Variants in KIAA1549 observed in about 807,000 individuals in gnomAD.
The protein encoded by KIAA1549 is UPF0606 protein KIAA1549.
A neutral mutation model predicts 156.4 loss-of-function variants in KIAA1549; 70 were observed. The observed-to-expected ratio is 0.45, with a 90% CI of 0.37 to 0.55. KIAA1549 has a LOEUF of 0.55. Among genes scored for constraint, KIAA1549 ranks in the 20% least tolerant of loss-of-function variants. KIAA1549 has a pLI of 0.00. For missense variants in KIAA1549, 2,428 were observed against 2,540.9 expected (o/e 0.96, Z 0.96); for synonymous variants, 1,103 against 1,066.4 (o/e 1.03, Z -0.67).
chr7:138,859,008 A>AACACACACACAC (rs57352970), intron 16 of KIAA1549, among the ~76,000 whole-genome samples: 45 of 142,354 alleles, frequency 3.2e-4, no homozygotes, highest in Middle Eastern at 3.5e-3. Flanking sequence ...TCCATCTCAA[A>AACACACACACAC]ACACACACAC....
chr7:138,969,685 C>T (rs947109313), intron 1 of KIAA1549, among the ~76,000 whole-genome samples: 2 of 152,056 alleles, frequency 1.3e-5, no homozygotes, highest in South Asian at 2.1e-4. Context: ...CTCTGCTTCC[C>T]GGGATCAAGC....
At chr7:138,967,403 C>T (rs1367729818) in intron 1 of KIAA1549, among the ~76,000 whole-genome samples, 1 of 152,142 alleles carries the variant, frequency 6.6e-6, no homozygotes, top group African/African-American at 2.4e-5. Context: ...GGGGAGTCAA[C>T]TGTGTTGATC....
intron 1 of KIAA1549, among the ~76,000 whole-genome samples, chr7:138,943,380 C>A (rs1315884663): frequency 6.6e-6 from 1 of 152,214 alleles, no homozygotes; most frequent in African/African-American, 2.4e-5. Context: ...AGTCACAGCA[C>A]ACGAAACTCA....
At chr7:138,912,567 A>G (rs1812200460) in intron 2 of KIAA1549, 107 bp from the exon 3 acceptor site, 2 of 893,770 alleles carry the variant, frequency 2.2e-6, no homozygotes, top group East Asian at 2.5e-5. Context: ...AGCAGTTCCA[A>G]AAGTCTTTTT....
At chr7:138,846,943 T>C (rs1810095009) in intron 17 of KIAA1549, among the ~76,000 whole-genome samples, 1 of 152,182 alleles carries the variant, frequency 6.6e-6, no homozygotes, top group Non-Finnish European at 1.5e-5. Flanking sequence ...ATAACTGCTG[T>C]TGTTTTAGAT....
Position 138,917,581 on chromosome 7 carries a change from T to C in KIAA1549, c.2045A>G (p.Gln682Arg), listed in dbSNP as rs776148058. The C allele has an allele frequency of 1.2e-6, 2 of 1,613,904 alleles. No homozygotes were observed. The highest frequency in any genetic ancestry group is 8.5e-7 in the Non-Finnish European group (1 of 1,179,894). ...LFDSSDLQSSQLSLPSSTNLE... is the reference protein window; with the variant it reads ...LFDSSDLQSSRLSLPSSTNLE... Reference sequence around the variant, plus strand: ...ATTTGTGGAACTGGGAAGAGACAGCTGAGATGACTGCAGATCACTAGAGTC... The same window carrying C: ...ATTTGTGGAACTGGGAAGAGACAGCCGAGATGACTGCAGATCACTAGAGTC... Residue 682 changes from glutamine to arginine, a missense_variant, in exon 2 of 20, where the codon CAG (glutamine) becomes CGG (arginine). This residue lies in a region of KIAA1549 where 762 missense variants were observed against 901.6 expected (regional missense o/e 0.85). Coordinates refer to ENST00000422774, the MANE Select transcript of KIAA1549 (RefSeq NM_001164665.2).
rs1809703634 is a variant in KIAA1549 at position 138,836,263 on chromosome 7, T to A, written c.*1643A>T. The A allele has an allele frequency of 4.9e-6, 1 of 203,780 alleles. No individual in the cohort carries two copies. Among genetic ancestry groups the A allele is most frequent in the Non-Finnish European group, 1.0e-5 (1 of 99,408 alleles). The allele number at this position is 203,780 out of a possible 1,614,324, so 12.6% of individuals were successfully genotyped here. A position where few individuals can be genotyped will look rare whatever the true frequency, so the allele number is the denominator to read the frequency against. The stretch of plus-strand genomic sequence containing the variant: ...AAAATTGTATTTTTACCATACCTTT[T>A]CTATGTTTAGCTATGTTTAGATACA... On this transcript the variant is annotated 3_prime_UTR_variant, in exon 20 of 20. Coordinates refer to ENST00000422774, the MANE Select transcript of KIAA1549 (RefSeq NM_001164665.2).
At chr7:138,941,258 C>G (rs561342109) in intron 1 of KIAA1549, among the ~76,000 whole-genome samples, 1 of 152,194 alleles carries the variant, frequency 6.6e-6, no homozygotes, top group South Asian at 2.1e-4. Flanking sequence ...AGATTACACA[C>G]AAATCATTGA....
At chr7:138,928,099 T>C (rs1812773666) in intron 1 of KIAA1549, among the ~76,000 whole-genome samples, 1 of 150,730 alleles carries the variant, frequency 6.6e-6, no homozygotes, top group Admixed American at 6.6e-5. Flanking sequence ...TTTTTTGTAT[T>C]TTTAGTGGAG....
intron 18 of KIAA1549, 74 bp from the exon 19 acceptor site, chr7:138,840,352 A>G: frequency 1.5e-6 from 2 of 1,373,672 alleles, no homozygotes; most frequent in Non-Finnish European, 2.0e-6. Context: ...GCTGCCGAGG[A>G]AGACACTGTC....
chr7:138,916,648 T>A (rs1254847226), intron 2 of KIAA1549, 100 bp downstream of exon 2: 2 of 1,521,722 alleles, frequency 1.3e-6, no homozygotes, highest in Non-Finnish European at 8.8e-7. Flanking sequence ...GCCCAGCGCC[T>A]CTGCTCTTAA....
intron 12 of KIAA1549, among the ~76,000 whole-genome samples, chr7:138,876,111 C>T (rs1811077902): frequency 6.6e-6 from 1 of 152,188 alleles, no homozygotes; most frequent in Admixed American, 6.5e-5. Flanking sequence ...TCACCAGCAC[C>T]TGACCACAGG....
chr7:138,921,351 C>T (rs1280879530), intron 1 of KIAA1549, among the ~76,000 whole-genome samples: 4 of 152,188 alleles, frequency 2.6e-5, no homozygotes, highest in Non-Finnish European at 4.4e-5. Context: ...AAAATATGCA[C>T]ATAAACCCAC....
Position 138,879,566 on chromosome 7 carries a change from A to G in KIAA1549, c.4317T>C (p.Asp1439=), listed in dbSNP as rs1308694578. The G allele has an allele frequency of 6.4e-7, 1 of 1,567,438 alleles. No individual in the cohort carries two copies. Among genetic ancestry groups the G allele is most frequent in the Non-Finnish European group, 8.7e-7 (1 of 1,155,664 alleles). ...AGDKTPGAVN[D]GRSHRAPQSG... ...TCTGCGGAGCTCTGTGGGACCTGCC[A>G]TCGTTGACGGCTCCCGGCGTCTTAT... The change falls in exon 12 of 20, where the codon GAT becomes GAC. Residue 1439 remains aspartate (D), a synonymous_variant. Transcript: ENST00000422774.
intron 5 of KIAA1549, 125 bp from the exon 6 acceptor site, chr7:138,907,227 GTAACTGGCTTTCTAACC>G: frequency 1.4e-6 from 1 of 730,430 alleles, no homozygotes; most frequent in Non-Finnish European, 2.1e-6. Context: ...TAAAGGAAAC[GTAACTGGCTTTCTAACC>G]TGGTTCCCTT....
At chr7:138,873,110 G>A (rs1362881133) in intron 12 of KIAA1549, among the ~76,000 whole-genome samples, 1 of 152,230 alleles carries the variant, frequency 6.6e-6, no homozygotes, top group Non-Finnish European at 1.5e-5. Context: ...AAACATAGAT[G>A]AGCAAAGCAG....
At chr7:138,932,516 T>A (rs756034598) in intron 1 of KIAA1549, among the ~76,000 whole-genome samples, 1 of 152,224 alleles carries the variant, frequency 6.6e-6, no homozygotes, top group Non-Finnish European at 1.5e-5. Flanking sequence ...GAGAAGCCAC[T>A]GAAGAAGCTA....
intron 1 of KIAA1549, among the ~76,000 whole-genome samples, chr7:138,943,220 C>T (rs138055826): frequency 1.4e-3 from 206 of 152,280 alleles, no homozygotes; most frequent in African/African-American, 4.5e-3. Context: ...GAGTCCCCCT[C>T]GAGTCCCACA....
rs151262435 is a variant in KIAA1549, at chr7:138,843,673, G to T, written c.5452+644C>A. ...CTAAAAATTAATACATCTGAATTTTGCTTAGTACGCATGCCATGTAGGGAG... is the reference window on the plus strand; with the variant it reads ...CTAAAAATTAATACATCTGAATTTTTCTTAGTACGCATGCCATGTAGGGAG... On this transcript the variant is annotated intron_variant, in intron 18 of 19. Transcript: ENST00000422774. 6.6e-3 allele frequency among the ~76,000 whole-genome samples: 997 copies of T among 152,062 alleles called. 34 individuals are homozygous for T. Among genetic ancestry groups the T allele is most frequent in the East Asian group, 0.027 (139 of 5,168 alleles).
Sources: gnomAD v4.1 joint callset for allele counts (sites outside exome capture counted in the v4.1 genomes callset) on GRCh38, gnomAD v4.1.1 for gene constraint, gnomAD v4.1.1 regional missense constraint, MANE v1.5 for transcripts, NCBI Gene and HGNC (gene_info 2026-07-23, HGNC 2026-07-21) for gene names.